Variants in KIR2DL3 observed in about 807,000 individuals in gnomAD.
The protein encoded by KIR2DL3 is killer cell immunoglobulin-like receptor 2DL3.
KIR2DL3 carries 39 observed loss-of-function variants against 33.8 expected under a neutral mutation model. The ratio of observed to expected loss-of-function variants is 1.15; its 90% CI spans 0.89 to 1.51. The LOEUF is 1.51. Among genes scored for constraint, KIR2DL3 ranks in the 40% most tolerant of loss-of-function variants. The pLI is 0.00. For missense variants in KIR2DL3, 462 were observed against 426.2 expected, an observed-to-expected ratio of 1.08 and a Z score of -0.74; for synonymous variants, 174 against 160.2, an observed-to-expected ratio of 1.09 and a Z score of -0.65.
chr19:54,741,350 T>C (rs1323184367), intron 2 of KIR2DL3, among the ~76,000 whole-genome samples: 1 of 150,616 alleles, frequency 6.6e-6, no homozygotes. Context: ...CATAATTAAT[T>C]AATTAATTAA....
Position 54,752,835 on chromosome 19 carries a change from A to T in KIR2DL3, c.*316A>T. ...ACCTAACTGGCTTACTTCCTAGTCT[A>T]CTTGAGGCTGCAATCACACTGAGGA... On this transcript the variant is annotated 3_prime_UTR_variant, in exon 8 of 8. Coordinates refer to ENST00000342376, the MANE Select transcript of KIR2DL3 (RefSeq NM_015868.3). The T allele has an allele frequency of 4.1e-6, 2 of 485,220 alleles. 1 individual carries two copies. The highest frequency in any genetic ancestry group is 7.5e-6 in the Non-Finnish European group (2 of 265,628). The allele number at this position is 485,220 out of a possible 1,614,324, so 30.1% of individuals were successfully genotyped here.
At chr19:54,743,767 C>A (rs747736404) in intron 3 of KIR2DL3, 28 bp from the exon 4 acceptor site, 1 of 1,546,800 alleles carries the variant, frequency 6.5e-7, no homozygotes, top group Non-Finnish European at 8.7e-7. Context: ...GAAGATCCTC[C>A]GTAAGGAAAA....
chr19:54,744,892 A>ACATTTTT (rs1293103414), intron 4 of KIR2DL3, among the ~76,000 whole-genome samples: 3 of 71,342 alleles, frequency 4.2e-5, no homozygotes, highest in Non-Finnish European at 6.1e-5. Context: ...ATATATATAT[A>ACATTTTT]TATATACACA....
In KIR2DL3 at chr19:54,752,418, T is replaced by G. The variant is rs778970546; in HGVS notation, c.925T>G (p.Cys309Gly). 1.2e-5 allele frequency: 18 copies of G among 1,467,832 alleles called. 1 individual carries two copies. The highest frequency in any genetic ancestry group is 1.7e-5 in the Non-Finnish European group (18 of 1,079,074). 90.9% of individuals were successfully genotyped at this position (1,467,832 alleles called of 1,614,324 possible). ...QEVTYAQLNH[C>G]VFTQRKITRP... ...GGTGACATATGCACAGTTGAATCAC[T>G]GCGTTTTCACACAGAGAAAAATCAC... Residue 309 changes from cysteine (C) to glycine (G), a missense_variant, in exon 8 of 8, where the codon TGC (cysteine) becomes GGC (glycine). By Grantham distance (159) the Cys-to-Gly change is radical (BLOSUM62 -3). Transcript: ENST00000342376.
In KIR2DL3 at chr19:54,747,401, T is replaced by C. The variant is rs2147133052; in HGVS notation, c.715+16T>C. 5 of 1,609,424 alleles carry C rather than the reference T, an allele frequency of 3.1e-6. No homozygotes were observed. Among genetic ancestry groups the C allele is most frequent in the Middle Eastern group, 1.7e-4 (1 of 6,054 alleles). On this transcript the variant is annotated intron_variant, in intron 5 of 7. Coordinates refer to ENST00000342376, the MANE Select transcript of KIR2DL3 (RefSeq NM_015868.3). ...TCCGAAACCGGTGAGTACAGAACCCTCTTATATCCGCTTTTGGAAACCTGG... is the reference window on the plus strand; with the variant it reads ...TCCGAAACCGGTGAGTACAGAACCCCCTTATATCCGCTTTTGGAAACCTGG...
chr19:54,739,168 A>G lies in KIR2DL3; in HGVS notation c.35-339A>G, dbSNP rs201858868. On this transcript the variant is annotated intron_variant, in intron 1 of 7. Transcript: ENST00000342376. ...GAGGTGATATGGGCCTGGAGTGGAG[A>G]TATGGGCTTAGGGTGGAGATCTGGG... Among the ~76,000 whole-genome samples the G allele has an allele frequency of 4.0e-5, 6 of 148,960 alleles. No individual in the cohort carries two copies. In the East Asian group the frequency reaches 1.0e-3, roughly 25 times the overall value.
chr19:54,752,359 C>G lies in KIR2DL3; in HGVS notation c.874-8C>G, dbSNP rs771017846. The G allele has an allele frequency of 8.8e-6, 13 of 1,477,716 alleles. 1 individual carries two copies. The South Asian group carries it at 1.5e-4, about 17-fold the overall frequency. The allele number at this position is 1,477,716 out of a possible 1,614,324, so 91.5% of individuals were successfully genotyped here. A position where few individuals can be genotyped will look rare whatever the true frequency, so the allele number is the denominator to read the frequency against. On this transcript the variant is annotated splice_region_variant and splice_polypyrimidine_tract_variant and intron_variant, in intron 7 of 7. Transcript: ENST00000342376. Reference sequence around the variant, plus strand: ...ACCCTCCCTCACTCAGCATTTCCCTCTCTCCAGGACTCTGATGAACAAGAC... The same window carrying G: ...ACCCTCCCTCACTCAGCATTTCCCTGTCTCCAGGACTCTGATGAACAAGAC...
At position 54,742,212 on chromosome 19, in the gene KIR2DL3, C is replaced by A. The variant is rs1423353390; in HGVS notation, c.303C>A (p.Tyr101Ter). Reference protein sequence around the residue: ...MQDLAGTYRCYGSVTHSPYQL... With the variant: ...MQDLAGTYRC ...ACCTTGCAGGGACCTACAGATGCTACGGTTCTGTTACTCACTCCCCCTATC... is the reference window on the plus strand; with the variant it reads ...ACCTTGCAGGGACCTACAGATGCTAAGGTTCTGTTACTCACTCCCCCTATC... Residue 101 changes from tyrosine (Y) to a stop codon, truncating the protein, a stop_gained, in exon 3 of 8, where the codon TAC becomes TAA. Transcript: ENST00000342376. LOFTEE classifies it high-confidence loss of function. 1.2e-6 allele frequency: 2 copies of A among 1,614,030 alleles called. No homozygotes were observed. Among genetic ancestry groups the A allele is most frequent in the Non-Finnish European group, 1.7e-6 (2 of 1,180,026 alleles).
At chr19:54,741,682 T>C (rs2071146617) in intron 2 of KIR2DL3, among the ~76,000 whole-genome samples, 1 of 151,600 alleles carries the variant, frequency 6.6e-6, no homozygotes, top group African/African-American at 2.4e-5. Flanking sequence ...GGTTCCTCTT[T>C]CACCCCCACA....
In KIR2DL3 at chr19:54,751,775, C is replaced by A. The variant is rs368603333; in HGVS notation, c.820+22C>A. On this transcript the variant is annotated intron_variant, in intron 6 of 7. Transcript: ENST00000342376. ...AAAAGTAAGTCTCACGAAGCAGAGG[C>A]CAGAGAGCTCAGGGCCATGTGGGGA... 28 of 1,429,172 alleles carry A rather than the reference C, an allele frequency of 2.0e-5. 5 individuals are homozygous for A. In the African/African-American group the frequency reaches 3.9e-4, roughly 20 times the overall value. The allele number at this position is 1,429,172 out of a possible 1,614,324, so 88.5% of individuals were successfully genotyped here.
intron 2 of KIR2DL3, among the ~76,000 whole-genome samples, chr19:54,741,144 C>T (rs1201358736): frequency 6.6e-6 from 1 of 151,196 alleles, no homozygotes; most frequent in Non-Finnish European, 1.5e-5. Flanking sequence ...AACAGGAAAC[C>T]AACACTGGAA....
At chr19:54,744,949 TA>T (rs1568970886) in intron 4 of KIR2DL3, among the ~76,000 whole-genome samples, 106 of 29,780 alleles carry the variant, frequency 3.6e-3, no homozygotes, top group African/African-American at 0.012. Context: ...TATATATATA[TA>T]TATATTTTTT....
rs2071269111 is a variant in KIR2DL3, at chr19:54,742,145, G to C, written c.236G>C (p.Gly79Ala). ...TLHLIGEHHD[G>A]VSKANFSIGP... ...CACCTCATTGGAGAGCACCATGATG[G>C]GGTCTCCAAGGCCAACTTCTCCATC... Residue 79 changes from glycine (G) to alanine (A), a missense_variant, in exon 3 of 8, where the codon GGG (glycine) becomes GCG (alanine). Physicochemically the swap from Gly to Ala is moderately conservative, Grantham distance 60. Coordinates refer to ENST00000342376, the MANE Select transcript of KIR2DL3 (RefSeq NM_015868.3). 1 of 1,613,968 alleles carries C rather than the reference G, an allele frequency of 6.2e-7. No homozygotes were observed.
chr19:54,738,716 AGTGGAGATCTGGGC>A, intron 1 of KIR2DL3, 137 bp downstream of exon 1: 2 of 1,322,740 alleles, frequency 1.5e-6, no homozygotes, highest in African/African-American at 1.9e-5. Flanking sequence ...CTGGGCCTGG[AGTGGAGATCTGGGC>A]CTGGAGTGGA....
chr19:54,746,247 G>T (rs62122555), intron 4 of KIR2DL3, among the ~76,000 whole-genome samples: 1 of 117,722 alleles, frequency 8.5e-6, no homozygotes, highest in African/African-American at 3.3e-5. Flanking sequence ...CAATTAAATC[G>T]TTTGTTTTAT....
chr19:54,751,775 C>G (rs368603333), intron 6 of KIR2DL3, 22 bp downstream of exon 6: 1 of 1,429,170 alleles, frequency 7.0e-7, no homozygotes. Context: ...GAAGCAGAGG[C>G]CAGAGAGCTC....
chr19:54,744,911 CATATATAA>C (rs1568968772), intron 4 of KIR2DL3, among the ~76,000 whole-genome samples: 8 of 33,540 alleles, frequency 2.4e-4, no homozygotes, highest in African/African-American at 2.8e-4. Flanking sequence ...CACACACACA[CATATATAA>C]ACATATATAT....
At chr19:54,741,441 A>T (rs1294489649) in intron 2 of KIR2DL3, among the ~76,000 whole-genome samples, 1 of 152,106 alleles carries the variant, frequency 6.6e-6, no homozygotes, top group Non-Finnish European at 1.5e-5. Flanking sequence ...CTCCATCCAC[A>T]TAGGGAGGGG....
At position 54,741,898 on chromosome 19, in the gene KIR2DL3, A is replaced by G. The variant is rs1215133826; in HGVS notation, c.71-82A>G. 5 of 1,352,998 alleles carry G rather than the reference A, an allele frequency of 3.7e-6. No homozygotes were observed. In the African/African-American group the frequency reaches 7.3e-5, roughly 20 times the overall value. 83.8% of individuals were successfully genotyped at this position (1,352,998 alleles called of 1,614,324 possible). A position where few individuals can be genotyped will look rare whatever the true frequency, so the allele number is the denominator to read the frequency against. On this transcript the variant is annotated intron_variant, in intron 2 of 7. Transcript: ENST00000342376. ...GGAAGGAGAGAGACAGACACCAGCA[A>G]GGGGAAGCCTCACTCATTCTAGGTG...
Sources: allele counts gnomAD v4.1 joint callset (sites outside exome capture counted in the v4.1 genomes callset), GRCh38; gene constraint gnomAD v4.1.1; transcripts MANE v1.5; gene names NCBI Gene and HGNC (gene_info 2026-07-23, HGNC 2026-07-21).